Variants in NDRG3 observed in about 807,000 individuals in gnomAD.
NDRG3 encodes the protein NDRG family member 3, also known as protein NDRG3.
NDRG3 carries 23 observed loss-of-function variants against 57.2 expected under a neutral mutation model. The observed-to-expected ratio is 0.40, with a 90% CI of 0.29 to 0.57. NDRG3 has a LOEUF of 0.57. Among genes scored for constraint, NDRG3 ranks in the 20% least tolerant of loss-of-function variants. The pLI, the probability that NDRG3 is intolerant of heterozygous loss-of-function variation, is 0.42. For missense variants in NDRG3, 384 were observed against 457.3 expected (o/e 0.84, Z 1.46); for synonymous variants, 132 against 162.6 (o/e 0.81, Z 1.43).
At position 36,682,570 on chromosome 20, in the gene NDRG3, C is replaced by G. The variant is rs745559013; in HGVS notation, c.392G>C (p.Ser131Thr). 3.1e-6 allele frequency: 5 copies of G among 1,613,956 alleles called. No individual in the cohort carries two copies. The highest frequency in any genetic ancestry group is 1.7e-5 in the Admixed American group (1 of 60,006). ...PPVLTHLSLK[S>T]IIGIGVGAGA... ...AGCTCCAACTCCAATTCCAATGATG[C>G]TTTTCAGGCTGTGAATGGGACATAA... Residue 131 changes from serine to threonine, a missense_variant, in exon 7 of 16, where the codon AGC (serine) becomes ACC (threonine). Physicochemically the swap from Ser to Thr is moderately conservative, Grantham distance 58 (BLOSUM62 1). Coordinates refer to ENST00000349004, the MANE Select transcript of NDRG3 (RefSeq NM_032013.4).
At chr20:36,677,297 G>T (rs1980832556) in intron 8 of NDRG3, among the ~76,000 whole-genome samples, 1 of 152,216 alleles carries the variant, frequency 6.6e-6, no homozygotes. Context: ...GTCCTGGGCA[G>T]AAGGGGGCAG....
At chr20:36,689,400 G>C (rs1982068974) in intron 3 of NDRG3, among the ~76,000 whole-genome samples, 1 of 152,134 alleles carries the variant, frequency 6.6e-6, no homozygotes, top group Admixed American at 6.6e-5. Flanking sequence ...TAAGGAGCCA[G>C]GTAAGACTTG....
chr20:36,723,407 C>T (rs1245175309), intron 1 of NDRG3, among the ~76,000 whole-genome samples: 2 of 152,070 alleles, frequency 1.3e-5, no homozygotes, highest in Non-Finnish European at 2.9e-5. Context: ...CAGGCATCAT[C>T]CTTTTTGTCT....
At chr20:36,745,421 G>T (rs1986137065) in intron 1 of NDRG3, among the ~76,000 whole-genome samples, 1 of 152,120 alleles carries the variant, frequency 6.6e-6, no homozygotes, top group African/African-American at 2.4e-5. Context: ...AACCGCACTG[G>T]CCTGAGAGCC....
chr20:36,671,674 TA>T (rs1335873799), intron 8 of NDRG3, among the ~76,000 whole-genome samples: 1 of 151,860 alleles, frequency 6.6e-6, no homozygotes, highest in African/African-American at 2.4e-5. Flanking sequence ...TGGTGGCAGG[TA>T]CCTGTAGTCC....
intron 2 of NDRG3, among the ~76,000 whole-genome samples, chr20:36,713,492 A>AAG (rs1424016211): frequency 6.6e-6 from 1 of 152,164 alleles, no homozygotes; most frequent in Non-Finnish European, 1.5e-5. Context: ...TGCTAGGGAG[A>AAG]AGAGAGATGT....
At chr20:36,683,688 A>G (rs1981526961) in intron 6 of NDRG3, among the ~76,000 whole-genome samples, 3 of 147,948 alleles carry the variant, frequency 2.0e-5, no homozygotes, top group African/African-American at 7.7e-5. Context: ...ACACACATAT[A>G]TGTACACACA....
chr20:36,670,938 A>G (rs1256083812), intron 9 of NDRG3, among the ~76,000 whole-genome samples: 5 of 152,188 alleles, frequency 3.3e-5, no homozygotes, highest in Non-Finnish European at 7.3e-5. Flanking sequence ...ACCAGTTGAA[A>G]AACATGGGGC....
At chr20:36,711,273 C>T (rs1279536142) in intron 2 of NDRG3, among the ~76,000 whole-genome samples, 1 of 149,686 alleles carries the variant, frequency 6.7e-6, no homozygotes, top group African/African-American at 2.5e-5. Context: ...TGCGAGACTC[C>T]GTCTCAAAAA....
At chr20:36,734,290 C>T (rs1203666068) in intron 1 of NDRG3, among the ~76,000 whole-genome samples, 1 of 152,174 alleles carries the variant, frequency 6.6e-6, no homozygotes, top group African/African-American at 2.4e-5. Flanking sequence ...CCAGGTCTTC[C>T]GATCCCAAAT....
At position 36,690,306 on chromosome 20, in the gene NDRG3, C is replaced by G. The variant is rs1400820730; in HGVS notation, c.94-1522G>C. On this transcript the variant is annotated intron_variant, in intron 3 of 15. Transcript: ENST00000349004. ...GACAAAAGATGCACCGAGCAAAGCT[C>G]AGGAACCAAATAGAGCAGACAAAAG... is the stretch of plus-strand genomic sequence containing the variant. Among the ~76,000 whole-genome samples, 5 of 152,182 alleles carry G rather than the reference C, an allele frequency of 3.3e-5. No individual in the cohort carries two copies. In the East Asian group the frequency reaches 7.7e-4, roughly 24 times the overall value.
At chr20:36,728,882 C>G (rs940531773) in intron 1 of NDRG3, among the ~76,000 whole-genome samples, 1 of 152,022 alleles carries the variant, frequency 6.6e-6, no homozygotes, top group Non-Finnish European at 1.5e-5. Flanking sequence ...CCACCATGCC[C>G]AGCTAAGTTT....
At chr20:36,673,165 G>C (rs1401575473) in intron 8 of NDRG3, among the ~76,000 whole-genome samples, 1 of 152,032 alleles carries the variant, frequency 6.6e-6, no homozygotes, top group African/African-American at 2.4e-5. Context: ...CGCCCAGCCA[G>C]GACATATTTT....
chr20:36,658,957 T>G (rs1009233101), intron 13 of NDRG3, among the ~76,000 whole-genome samples: 1 of 147,298 alleles, frequency 6.8e-6, no homozygotes, highest in Non-Finnish European at 1.5e-5. Context: ...TGACGAAGTT[T>G]TTTTTTTTTT....
intron 9 of NDRG3, among the ~76,000 whole-genome samples, chr20:36,669,197 C>T (rs1462961483): frequency 6.6e-6 from 1 of 151,906 alleles, no homozygotes; most frequent in East Asian, 1.9e-4. Context: ...GCTGGGATTA[C>T]AGGCACGTGC....
rs1416198874 is a variant in NDRG3 at position 36,652,401 on chromosome 20, ACT to A, written c.*1117_*1118del. 2 of 149,462 alleles carry A rather than the reference ACT, an allele frequency of 1.3e-5. No individual in the cohort carries two copies. Among genetic ancestry groups the A allele is most frequent in the Non-Finnish European group, 3.0e-5 (2 of 67,714 alleles). 9.3% of individuals were successfully genotyped at this position (149,462 alleles called of 1,614,324 possible). On this transcript the variant is annotated 3_prime_UTR_variant, in exon 16 of 16. Transcript: ENST00000349004. ...GCACTCCAGCCTGGGTAACAGCGAG[ACT>A]CTGTCTCAAAAAAAAAAAAAGACTC...
chr20:36,722,390 G>C (rs1984643568), intron 1 of NDRG3, among the ~76,000 whole-genome samples: 1 of 152,168 alleles, frequency 6.6e-6, no homozygotes, highest in African/African-American at 2.4e-5. Context: ...CACAGAAACT[G>C]AGAGACAATG....
At chr20:36,719,167 G>A (rs1220103166) in intron 2 of NDRG3, among the ~76,000 whole-genome samples, 2 of 152,074 alleles carry the variant, frequency 1.3e-5, no homozygotes, top group South Asian at 2.1e-4. Context: ...GGAAGTTCAC[G>A]CCTGTAATCC....
chr20:36,678,641 C>T (rs1356708677), intron 8 of NDRG3, among the ~76,000 whole-genome samples: 1 of 152,206 alleles, frequency 6.6e-6, no homozygotes, highest in Non-Finnish European at 1.5e-5. Flanking sequence ...GATCATGCCA[C>T]TGCACTCCAG....
Sources: allele counts gnomAD v4.1 joint callset (sites outside exome capture counted in the v4.1 genomes callset), GRCh38; gene constraint gnomAD v4.1.1; transcripts MANE v1.5; gene names NCBI Gene and HGNC (gene_info 2026-07-23, HGNC 2026-07-21).